Variants in PLXNA4 observed in about 807,000 individuals in gnomAD.
PLXNA4 encodes plexin-A4.
Under a neutral mutation model 191.8 loss-of-function variants are expected in PLXNA4, and 44 were observed. The ratio of observed to expected loss-of-function variants is 0.23; its 90% CI spans 0.18 to 0.29. The LOEUF (loss-of-function observed/expected upper bound fraction) is 0.29. Among genes scored for constraint, PLXNA4 ranks in the 10% least tolerant of loss-of-function variants. The probability of loss-of-function intolerance (pLI) is 1.00; values close to 1 mark genes in which losing one functional copy is unlikely to be tolerated. For missense variants in PLXNA4, 1,800 were observed against 2,488.8 expected (o/e 0.72, Z 5.89); for synonymous variants, 1,082 against 1,009.5 (o/e 1.07, Z -1.36).
chr7:132,645,074 G>T (rs964918913), intron 2 of PLXNA4, among the ~76,000 whole-genome samples: 1 of 152,218 alleles, frequency 6.6e-6, no homozygotes, highest in African/African-American at 2.4e-5. Context: ...TTGCAGAGCT[G>T]AGTGTGGGCC....
intron 4 of PLXNA4, among the ~76,000 whole-genome samples, chr7:132,294,542 G>A (rs75295600): frequency 0.046 from 6,959 of 152,258 alleles, 424 homozygotes; most frequent in Admixed American, 0.18. Context: ...GAAAGACAAA[G>A]GTGGAAACAG....
intron 3 of PLXNA4, chr7:132,383,556 C>T: frequency 1.0e-6 from 1 of 983,254 alleles, no homozygotes; most frequent in Non-Finnish European, 1.2e-6. Flanking sequence ...TTGTCTCATG[C>T]TTTTTCACTG....
intron 3 of PLXNA4, among the ~76,000 whole-genome samples, chr7:132,368,589 G>A (rs1324951977): frequency 6.6e-6 from 1 of 152,172 alleles, no homozygotes; most frequent in Non-Finnish European, 1.5e-5. Context: ...GGGGCCCTCA[G>A]CTGCCTGCGC....
chr7:132,437,381 G>A (rs1365346933), intron 3 of PLXNA4, among the ~76,000 whole-genome samples: 1 of 152,180 alleles, frequency 6.6e-6, no homozygotes, highest in Non-Finnish European at 1.5e-5. Context: ...CTAGCAAGGA[G>A]GGATGTGACC....
At chr7:132,346,887 G>A (rs1015624700) in intron 3 of PLXNA4, among the ~76,000 whole-genome samples, 1 of 152,204 alleles carries the variant, frequency 6.6e-6, no homozygotes, top group Non-Finnish European at 1.5e-5. Flanking sequence ...GAATGAAAAG[G>A]TGAGGTATTT....
chr7:132,580,577 G>A (rs566395187), upstream of PLXNA4, among the ~76,000 whole-genome samples: 27 of 152,302 alleles, frequency 1.8e-4, no homozygotes, highest in African/African-American at 5.8e-4. Flanking sequence ...TTGGGTTGGG[G>A]TTTATTGCTG....
chr7:132,374,551 T>C (rs1804579619), intron 3 of PLXNA4, among the ~76,000 whole-genome samples: 1 of 152,176 alleles, frequency 6.6e-6, no homozygotes, highest in Admixed American at 6.5e-5. Flanking sequence ...CCATCAGATG[T>C]CTGCAGAGAG....
chr7:132,138,572 C>A (rs1490196999), intron 30 of PLXNA4, among the ~76,000 whole-genome samples: 3 of 152,228 alleles, frequency 2.0e-5, no homozygotes, highest in African/African-American at 7.2e-5. Flanking sequence ...TTTTCTCGAT[C>A]TATCTGTCTT....
At chr7:132,489,762 G>T (rs1797708574) in intron 2 of PLXNA4, among the ~76,000 whole-genome samples, 1 of 152,062 alleles carries the variant, frequency 6.6e-6, no homozygotes. Context: ...GCCATCTTGG[G>T]AGCTTTGTCC....
At chr7:132,146,112 A>ATGGTGCC (rs1462145997) in intron 28 of PLXNA4, among the ~76,000 whole-genome samples, 8 of 147,558 alleles carry the variant, frequency 5.4e-5, no homozygotes, top group African/African-American at 2.0e-4. Context: ...AAGAAAAGAT[A>ATGGTGCC]TGGTGCCTGG....
At chr7:132,360,719 A>G (rs1181982376) in intron 3 of PLXNA4, among the ~76,000 whole-genome samples, 1 of 152,190 alleles carries the variant, frequency 6.6e-6, no homozygotes, top group Non-Finnish European at 1.5e-5. Flanking sequence ...AGCTCAGAAG[A>G]TGGCACAGAG....
At chr7:132,273,785 G>A (rs1800167893) in intron 4 of PLXNA4, among the ~76,000 whole-genome samples, 1 of 152,118 alleles carries the variant, frequency 6.6e-6, no homozygotes, top group East Asian at 1.9e-4. Context: ...AATGGAAAGA[G>A]ACAGCCTCCA....
intron 9 of PLXNA4, among the ~76,000 whole-genome samples, chr7:132,219,427 C>A (rs191272738): frequency 6.6e-6 from 1 of 152,280 alleles, no homozygotes; most frequent in African/African-American, 2.4e-5. Context: ...TGATGTAGAC[C>A]AAAGGCCTCA....
chr7:132,522,314 C>A (rs1214940120), intron 1 of PLXNA4, among the ~76,000 whole-genome samples: 2 of 152,194 alleles, frequency 1.3e-5, no homozygotes, highest in Non-Finnish European at 2.9e-5. Context: ...GGCAATAAGC[C>A]ACTCATGGCT....
At chr7:132,166,112 G>A (rs1441814555) in intron 22 of PLXNA4, among the ~76,000 whole-genome samples, 5 of 151,958 alleles carry the variant, frequency 3.3e-5, no homozygotes, top group South Asian at 2.1e-4. Flanking sequence ...CAGGAGAATC[G>A]CTTGAACCCA....
rs372731545 is a variant in PLXNA4 at position 132,422,362 on chromosome 7, C to G, written c.1371+66930G>C. 4.6e-5 allele frequency among the ~76,000 whole-genome samples: 7 copies of G among 152,312 alleles called. No homozygotes were observed. The East Asian group carries it at 1.2e-3, about 25-fold the overall frequency. ...CCCTCCAGATTTTCTACAGCCACAA[C>G]GGCATTTAATTCTTCCCATGTATGT... On this transcript the variant is annotated intron_variant, in intron 3 of 31. Coordinates refer to ENST00000321063, the MANE Select transcript of PLXNA4 (RefSeq NM_020911.2).
intron 3 of PLXNA4, among the ~76,000 whole-genome samples, chr7:132,432,095 T>C (rs1208106463): frequency 1.3e-5 from 2 of 152,136 alleles, no homozygotes; most frequent in African/African-American, 2.4e-5. Flanking sequence ...TTCTCCACAA[T>C]AGTAGTCTCT....
intron 3 of PLXNA4, among the ~76,000 whole-genome samples, chr7:132,354,127 C>T (rs1407591499): frequency 2.0e-5 from 3 of 152,146 alleles, no homozygotes; most frequent in East Asian, 1.9e-4. Flanking sequence ...TTAATGGCAT[C>T]TGAATCATTA....
chr7:132,557,461 G>C (rs966172357), intron 1 of PLXNA4, among the ~76,000 whole-genome samples: 2 of 151,818 alleles, frequency 1.3e-5, no homozygotes, highest in Non-Finnish European at 2.9e-5. Context: ...GGCAGGGGGG[G>C]ACGTAAAGAT....
Sources: gnomAD v4.1 joint callset for allele counts (sites outside exome capture counted in the v4.1 genomes callset) on GRCh38, gnomAD v4.1.1 for gene constraint, MANE v1.5 for transcripts, NCBI Gene and HGNC (gene_info 2026-07-23, HGNC 2026-07-21) for gene names.